EXT1: variants seen among roughly 807,000 people sequenced by gnomAD.
EXT1 encodes exostosin-1.
A neutral mutation model predicts 82.5 loss-of-function variants in EXT1; 20 were observed. The observed-to-expected ratio is 0.24, with a 90% confidence interval of 0.17 to 0.35. EXT1 has a LOEUF of 0.35. EXT1 is among the 10% of genes least tolerant of loss of function. EXT1 has a pLI of 1.00. For synonymous variants in EXT1, 348 were observed against 350.8 expected (o/e 0.99, Z 0.09); for missense variants, 757 against 936.5 (o/e 0.81, Z 2.50).
intron 1 of EXT1, among the ~76,000 whole-genome samples, chr8:118,100,879 C>T (rs1817705939): frequency 6.6e-6 from 1 of 152,170 alleles, no homozygotes; most frequent in Non-Finnish European, 1.5e-5. Flanking sequence ...GCTTCCACCC[C>T]TACCCCACAC....
intron 1 of EXT1, among the ~76,000 whole-genome samples, chr8:118,064,478 T>A (rs978270078): frequency 6.6e-6 from 1 of 152,212 alleles, no homozygotes; most frequent in Non-Finnish European, 1.5e-5. Flanking sequence ...GCTTTCCAGC[T>A]TTATCCATGT....
At chr8:118,008,510 C>T (rs1815828059) in intron 1 of EXT1, among the ~76,000 whole-genome samples, 1 of 152,140 alleles carries the variant, frequency 6.6e-6, no homozygotes, top group Non-Finnish European at 1.5e-5. Context: ...CCTCAGCCTC[C>T]AAAAGTGCTG....
chr8:117,920,208 G>T (rs187939168), intron 1 of EXT1, among the ~76,000 whole-genome samples: 14 of 152,076 alleles, frequency 9.2e-5, no homozygotes, highest in Non-Finnish European at 1.9e-4. Flanking sequence ...AGGTTCAGGC[G>T]ATTCTCTTGC....
rs4324944 is a variant in EXT1 at position 117,915,225 on chromosome 8, T to C, written c.963-78024A>G. Among the ~76,000 whole-genome samples the C allele has an allele frequency of 4.6e-3, 702 of 152,316 alleles. 6 individuals are homozygous for C. Among genetic ancestry groups the C allele is most frequent in the East Asian group, 0.03 (154 of 5,180 alleles). On this transcript the variant is annotated intron_variant, in intron 1 of 10. Transcript: ENST00000378204. The stretch of plus-strand genomic sequence containing the variant: ...CCCTGATATTCCACTAAGAAACTAT[T>C]TCAATATGGTTTTATTATGCTGACT...
intron 1 of EXT1, among the ~76,000 whole-genome samples, chr8:118,085,807 C>G (rs1457637195): frequency 1.3e-5 from 2 of 151,990 alleles, no homozygotes; most frequent in Non-Finnish European, 2.9e-5. Flanking sequence ...TTAATCCACT[C>G]TGCATTTTCA....
At chr8:117,912,001 A>C (rs1213994114) in intron 1 of EXT1, among the ~76,000 whole-genome samples, 2 of 152,242 alleles carry the variant, frequency 1.3e-5, no homozygotes, top group Non-Finnish European at 2.9e-5. Context: ...GGAGAAAAGA[A>C]GAAAAAGAGG....
intron 1 of EXT1, among the ~76,000 whole-genome samples, chr8:118,040,692 A>G (rs1169593771): frequency 6.6e-6 from 1 of 152,218 alleles, no homozygotes; most frequent in Admixed American, 6.5e-5. Context: ...CCCCATTTCC[A>G]AAAGTTTTAT....
At chr8:117,907,550 T>C (rs889232275) in intron 1 of EXT1, among the ~76,000 whole-genome samples, 1 of 152,222 alleles carries the variant, frequency 6.6e-6, no homozygotes, top group African/African-American at 2.4e-5. Context: ...ACACTTTCAG[T>C]AGTGACACTT....
intron 1 of EXT1, among the ~76,000 whole-genome samples, chr8:117,896,815 C>A (rs528455121): frequency 1.3e-5 from 2 of 152,182 alleles, no homozygotes; most frequent in East Asian, 3.8e-4. Context: ...AGAGAAAGAA[C>A]AAGCGACAAA....
At chr8:118,052,794 G>T (rs1300940579) in intron 1 of EXT1, among the ~76,000 whole-genome samples, 2 of 152,168 alleles carry the variant, frequency 1.3e-5, no homozygotes, top group Non-Finnish European at 2.9e-5. Context: ...CCTCTGTTTA[G>T]GATAGAGGAG....
intron 1 of EXT1, among the ~76,000 whole-genome samples, chr8:118,025,870 G>A (rs577753363): frequency 1.2e-4 from 19 of 152,180 alleles, no homozygotes; most frequent in South Asian, 6.2e-4. Flanking sequence ...ATGAGAACCC[G>A]AATCCTGAAA....
chr8:117,991,451 C>T (rs913035542), intron 1 of EXT1, among the ~76,000 whole-genome samples: 1 of 152,152 alleles, frequency 6.6e-6, no homozygotes, highest in Non-Finnish European at 1.5e-5. Context: ...TGGACCCTCT[C>T]CCCTGAATTA....
At chr8:117,933,348 G>A (rs1174089691) in intron 1 of EXT1, among the ~76,000 whole-genome samples, 1 of 151,146 alleles carries the variant, frequency 6.6e-6, no homozygotes, top group Non-Finnish European at 1.5e-5. Context: ...TCGGGTTCAA[G>A]CAATTCTCCT....
At chr8:117,882,775 G>A (rs1015287793) in intron 1 of EXT1, among the ~76,000 whole-genome samples, 1 of 151,904 alleles carries the variant, frequency 6.6e-6, no homozygotes. Flanking sequence ...ACAAGAGTCC[G>A]ATACCATACT....
At chr8:117,944,565 A>C (rs1231420758) in intron 1 of EXT1, among the ~76,000 whole-genome samples, 1 of 152,240 alleles carries the variant, frequency 6.6e-6, no homozygotes, top group African/African-American at 2.4e-5. Context: ...ATTAGATAAC[A>C]GGTTTGCCCG....
chr8:117,826,538 G>A (rs1812010455), intron 4 of EXT1, among the ~76,000 whole-genome samples: 1 of 152,130 alleles, frequency 6.6e-6, no homozygotes, highest in East Asian at 1.9e-4. Context: ...TACTTAAATT[G>A]TTCTTATAAA....
At chr8:118,096,738 C>G (rs1444965092) in intron 1 of EXT1, among the ~76,000 whole-genome samples, 2 of 151,540 alleles carry the variant, frequency 1.3e-5, no homozygotes, top group Non-Finnish European at 2.9e-5. Context: ...GAAAGGATAC[C>G]TTGGGGAAAA....
chr8:117,873,638 TAG>T (rs1360532826), intron 1 of EXT1, among the ~76,000 whole-genome samples: 5 of 152,052 alleles, frequency 3.3e-5, no homozygotes, highest in African/African-American at 1.2e-4. Context: ...GTATGTTTAG[TAG>T]AGACAGGGTT....
intron 1 of EXT1, among the ~76,000 whole-genome samples, chr8:117,960,106 G>A (rs1027011412): frequency 6.6e-6 from 1 of 152,130 alleles, no homozygotes; most frequent in African/African-American, 2.4e-5. Flanking sequence ...AGCTACTCAC[G>A]AGGCTGAGGC....
Sources: gnomAD v4.1 joint callset for allele counts (sites outside exome capture counted in the v4.1 genomes callset) on GRCh38, gnomAD v4.1.1 for gene constraint, MANE v1.5 for transcripts, NCBI Gene and HGNC (gene_info 2026-07-23, HGNC 2026-07-21) for gene names.